Variants in PIWIL4 observed in about 807,000 individuals in gnomAD.
PIWIL4 encodes the protein piwi-like protein 4.
Under a neutral mutation model 100.9 loss-of-function variants are expected in PIWIL4, and 50 were observed. The observed-to-expected ratio is 0.50, with a 90% CI of 0.39 to 0.63. The LOEUF (loss-of-function observed/expected upper bound fraction) is 0.63. PIWIL4 is among the 20% of genes least tolerant of loss of function. The probability of loss-of-function intolerance (pLI) is 0.00; values close to 1 mark genes in which losing one functional copy is unlikely to be tolerated. For missense variants in PIWIL4, 887 were observed against 1,043.3 expected, an observed-to-expected ratio of 0.85 and a Z score of 2.06; for synonymous variants, 342 against 367.5, an observed-to-expected ratio of 0.93 and a Z score of 0.79.
At chr11:94,612,808 C>T (rs1387043228) in intron 15 of PIWIL4, among the ~76,000 whole-genome samples, 2 of 152,114 alleles carry the variant, frequency 1.3e-5, no homozygotes, top group Admixed American at 1.3e-4. Flanking sequence ...ACAAAAACTC[C>T]TCACTTTTAC....
chr11:94,594,329 G>A (rs1027958638), intron 9 of PIWIL4, among the ~76,000 whole-genome samples: 2 of 151,650 alleles, frequency 1.3e-5, no homozygotes, highest in South Asian at 2.1e-4. Flanking sequence ...AGCTGGGCCC[G>A]GTGGCACGCG....
chr11:94,569,807 C>T (rs759384628), intron 2 of PIWIL4, among the ~76,000 whole-genome samples: 6 of 126,758 alleles, frequency 4.7e-5, no homozygotes, highest in Non-Finnish European at 8.1e-5. Context: ...ATTGGAGACT[C>T]GGAAGGTTGG....
At chr11:94,574,173 G>A (rs751561977) in intron 2 of PIWIL4, among the ~76,000 whole-genome samples, 1 of 152,162 alleles carries the variant, frequency 6.6e-6, no homozygotes, top group African/African-American at 2.4e-5. Flanking sequence ...TTAATTTCAT[G>A]TTTTCTAGAA....
intron 12 of PIWIL4, among the ~76,000 whole-genome samples, chr11:94,603,209 G>T: frequency 7.2e-6 from 1 of 139,744 alleles, no homozygotes; most frequent in South Asian, 2.6e-4. Context: ...GAGACGGTTC[G>T]GCCAGCCAGT....
At chr11:94,573,812 G>A (rs1591774455) in intron 2 of PIWIL4, among the ~76,000 whole-genome samples, 1 of 152,084 alleles carries the variant, frequency 6.6e-6, no homozygotes, top group South Asian at 2.1e-4. Context: ...CTTGGGAGAT[G>A]AACTTCATTT....
At chr11:94,572,370 A>G (rs1591773153) in intron 2 of PIWIL4, among the ~76,000 whole-genome samples, 1 of 152,326 alleles carries the variant, frequency 6.6e-6, no homozygotes, top group East Asian at 1.9e-4. Context: ...GCCCATGCCT[A>G]TGTCCTGAAT....
At chr11:94,604,676 A>G (rs944276908) in intron 13 of PIWIL4, among the ~76,000 whole-genome samples, 24 of 152,208 alleles carry the variant, frequency 1.6e-4, no homozygotes, top group African/African-American at 5.5e-4. Flanking sequence ...AACGATTCCT[A>G]TTTCCCAGGA....
chr11:94,614,727 G>T (rs1948827437), intron 15 of PIWIL4, among the ~76,000 whole-genome samples: 1 of 152,166 alleles, frequency 6.6e-6, no homozygotes, highest in Non-Finnish European at 1.5e-5. Flanking sequence ...TTAACAGTCA[G>T]CCCAGCTAGG....
chr11:94,603,748 G>A (rs1267700553), intron 12 of PIWIL4, among the ~76,000 whole-genome samples: 1 of 152,170 alleles, frequency 6.6e-6, no homozygotes. Context: ...GGACAATTGA[G>A]AAGATCTGAT....
intron 19 of PIWIL4, among the ~76,000 whole-genome samples, chr11:94,620,410 T>C (rs1221034203): frequency 6.6e-6 from 1 of 152,210 alleles, no homozygotes; most frequent in Non-Finnish European, 1.5e-5. Context: ...ATATACATTA[T>C]CTTATGCAAA....
At chr11:94,576,012 C>T (rs566376476) in intron 3 of PIWIL4, among the ~76,000 whole-genome samples, 2 of 152,184 alleles carry the variant, frequency 1.3e-5, no homozygotes, top group Non-Finnish European at 2.9e-5. Context: ...CAGATATATA[C>T]CCCAGGTTGA....
chr11:94,616,046 T>C (rs1394532061), intron 15 of PIWIL4, among the ~76,000 whole-genome samples: 1 of 152,262 alleles, frequency 6.6e-6, no homozygotes, highest in Non-Finnish European at 1.5e-5. Flanking sequence ...GCTAAATTAG[T>C]ACATTAATTT....
rs1024180278 is a variant in PIWIL4 at position 94,620,075 on chromosome 11, C to T, written c.2373C>T (p.Asp791=). The change falls in exon 19 of 20, where the codon GAC becomes GAT. Residue 791 remains aspartate (D), a synonymous_variant. Transcript: ENST00000299001. ...CCTACTATAATGTCATCTATGATGACAACGGCTTGAAGCCCGACCATATGC... is the reference window on the plus strand; with the variant it reads ...CCTACTATAATGTCATCTATGATGATAACGGCTTGAAGCCCGACCATATGC... The part of the protein sequence containing the change: ...SPTYYNVIYD[D]NGLKPDHMQR... 6.2e-7 allele frequency: 1 copy of T among 1,613,918 alleles called. No individual in the cohort carries two copies. The highest frequency in any genetic ancestry group is 1.3e-5 in the African/African-American group (1 of 74,928).
intron 9 of PIWIL4, 146 bp downstream of exon 9, chr11:94,593,787 A>G: frequency 1.1e-6 from 1 of 883,340 alleles, no homozygotes; most frequent in Non-Finnish European, 1.7e-6. Context: ...TTTATTCAAT[A>G]ATAGAGACAT....
intron 7 of PIWIL4, 104 bp downstream of exon 7, chr11:94,587,351 T>A: frequency 8.6e-7 from 1 of 1,169,508 alleles, no homozygotes; most frequent in Non-Finnish European, 1.2e-6. Context: ...ACAGATCTAA[T>A]CCATTTACTC....
intron 14 of PIWIL4, 124 bp downstream of exon 14, chr11:94,607,763 G>A (rs1948739868): frequency 3.0e-6 from 3 of 1,014,314 alleles, no homozygotes; most frequent in Non-Finnish European, 4.2e-6. Flanking sequence ...CCTTTGCCCT[G>A]GGTTCTGGCA....
rs778739442 is a variant in PIWIL4 at position 94,619,780 on chromosome 11, T to C, written c.2189T>C (p.Val730Ala). The C allele has an allele frequency of 6.2e-7, 1 of 1,614,084 alleles. No individual in the cohort carries two copies. Among genetic ancestry groups the C allele is most frequent in the Non-Finnish European group, 8.5e-7 (1 of 1,179,982 alleles). Reference protein sequence around the residue: ...SNTSSRLSVIVVRKKCMPRFF... With the variant: ...SNTSSRLSVIAVRKKCMPRFF... ...TTTAGCTCAAGACTGTCGGTGATTG[T>C]GGTCAGGAAGAAGTGCATGCCACGA... The change falls in exon 18 of 20, where the codon GTG becomes GCG. Residue 730 changes from valine to alanine, a missense_variant. By Grantham distance (64) the Val-to-Ala change is moderately conservative. This residue lies in a region of PIWIL4 where 741 missense variants were observed against 930.0 expected (regional missense o/e 0.80). Transcript: ENST00000299001.
Position 94,615,821 on chromosome 11 carries a change from A to T in PIWIL4, c.1944-672A>T, listed in dbSNP as rs575055710. ...TGTAGCTGTATTACTGTTGTTGCATATATTTAGAGAGGTATAATAATGCTG... is the reference window on the plus strand; with the variant it reads ...TGTAGCTGTATTACTGTTGTTGCATTTATTTAGAGAGGTATAATAATGCTG... On this transcript the variant is annotated intron_variant, in intron 15 of 19. Transcript: ENST00000299001. Among the ~76,000 whole-genome samples, 308 of 152,254 alleles carry T rather than the reference A, an allele frequency of 2.0e-3. 1 individual carries two copies. The highest frequency in any genetic ancestry group is 7.2e-3 in the African/African-American group (298 of 41,516).
chr11:94,614,243 A>G (rs1332487101), intron 15 of PIWIL4, among the ~76,000 whole-genome samples: 3 of 148,292 alleles, frequency 2.0e-5, no homozygotes, highest in African/African-American at 7.5e-5. Flanking sequence ...TTTGAGGTCA[A>G]TTACTGGAAT....
Sources: allele counts gnomAD v4.1 joint callset (sites outside exome capture counted in the v4.1 genomes callset), GRCh38; gene constraint gnomAD v4.1.1; regional missense constraint gnomAD v4.1.1; transcripts MANE v1.5; gene names NCBI Gene and HGNC (gene_info 2026-07-23, HGNC 2026-07-21).